The following NLN variants were observed in gnomAD, a reference collection of about 807,000 sequenced individuals.
NLN encodes neurolysin, mitochondrial.
NLN carries 64 observed loss-of-function variants against 79.9 expected under a neutral mutation model. The observed-to-expected ratio is 0.80, with a 90% CI of 0.65 to 0.99. The LOEUF is 0.99. Among genes scored for constraint, NLN ranks in the 50% least tolerant of loss-of-function variants. The pLI is 0.00. For synonymous variants in NLN, 267 were observed against 296.6 expected (o/e 0.90, Z 1.02); for missense variants, 835 against 858.7 (o/e 0.97, Z 0.34).
intron 3 of NLN, among the ~76,000 whole-genome samples, chr5:65,776,616 G>GA (rs1759684412): frequency 6.6e-6 from 1 of 152,144 alleles, no homozygotes; most frequent in East Asian, 1.9e-4. Flanking sequence ...TTCTTCTTAG[G>GA]AACCACTAAC....
chr5:65,802,364 G>A (rs770299325), intron 9 of NLN, among the ~76,000 whole-genome samples: 7 of 152,306 alleles, frequency 4.6e-5, no homozygotes, highest in South Asian at 2.1e-4. Flanking sequence ...GGCTGCAGCC[G>A]GACCAGGCGT....
At chr5:65,776,437 CA>C (rs1197966390) in intron 3 of NLN, among the ~76,000 whole-genome samples, 3 of 152,178 alleles carry the variant, frequency 2.0e-5, no homozygotes, top group Non-Finnish European at 4.4e-5. Flanking sequence ...AGTCCTTTTA[CA>C]GATTTAATTA....
At chr5:65,738,942 T>A (rs1758798876) in intron 1 of NLN, among the ~76,000 whole-genome samples, 2 of 88,162 alleles carry the variant, frequency 2.3e-5, no homozygotes, top group South Asian at 3.0e-4. Context: ...ATATATTTTT[T>A]ATATATGTTT....
intron 1 of NLN, among the ~76,000 whole-genome samples, chr5:65,740,500 A>G (rs1758844965): frequency 6.6e-6 from 1 of 152,190 alleles, no homozygotes; most frequent in South Asian, 2.1e-4. Flanking sequence ...AAAGGGAACA[A>G]GCATTCAAAC....
At chr5:65,757,844 G>C (rs931769085) in intron 1 of NLN, among the ~76,000 whole-genome samples, 4 of 152,106 alleles carry the variant, frequency 2.6e-5, no homozygotes, top group African/African-American at 9.7e-5. Flanking sequence ...AGTATAAGAA[G>C]AGAAGTTTTT....
chr5:65,791,114 T>C (rs1481321536), intron 8 of NLN, among the ~76,000 whole-genome samples: 1 of 152,186 alleles, frequency 6.6e-6, no homozygotes, highest in Non-Finnish European at 1.5e-5. Flanking sequence ...TTAAAAAGGG[T>C]ATTCAGAATA....
chr5:65,756,922 T>C (rs2150745163), intron 1 of NLN, among the ~76,000 whole-genome samples: 1 of 152,320 alleles, frequency 6.6e-6, no homozygotes, highest in South Asian at 2.1e-4. Context: ...ATTGTTCAAA[T>C]GTTGGTTTGC....
At position 65,824,095 on chromosome 5, in the gene NLN, T is replaced by C. The variant is rs967650208; in HGVS notation, c.*1180T>C. ...CAGATCAGTAAACTCACAGTATTTTTCCTGTGGAAATCTATTCAATAAGGA... is the reference window on the plus strand; with the variant it reads ...CAGATCAGTAAACTCACAGTATTTTCCCTGTGGAAATCTATTCAATAAGGA... On this transcript the variant is annotated 3_prime_UTR_variant, in exon 13 of 13. Transcript: ENST00000380985. 2 of 152,076 alleles carry C rather than the reference T, an allele frequency of 1.3e-5. No individual in the cohort carries two copies. Among genetic ancestry groups the C allele is most frequent in the Non-Finnish European group, 2.9e-5 (2 of 68,002 alleles). The allele number at this position is 152,076 out of a possible 1,614,324, so 9.4% of individuals were successfully genotyped here.
chr5:65,734,249 C>T lies in NLN; in HGVS notation c.41+11835C>T, dbSNP rs1758679147. On this transcript the variant is annotated intron_variant, in intron 1 of 12. Transcript: ENST00000380985. ...TCCTGACCTCAAGTGATCTGACTAC[C>T]TTGGCCTTCCACAGTGCTGGGTTTA... Among the ~76,000 whole-genome samples, 2 of 139,398 alleles carry T rather than the reference C, an allele frequency of 1.4e-5. 1 individual carries two copies. 91.5% of individuals were successfully genotyped at this position (139,398 alleles called of 152,430 possible).
rs180870665 is a variant in NLN at position 65,748,100 on chromosome 5, C to T, written c.42-10467C>T. ...CCTGTAATCCCAGCTACTTGGGAGG[C>T]TGAGGCAGGAGAATTGCTTGAATCT... On this transcript the variant is annotated intron_variant, in intron 1 of 12. Transcript: ENST00000380985. Among the ~76,000 whole-genome samples, 710 of 152,322 alleles carry T rather than the reference C, an allele frequency of 4.7e-3. 10 individuals are homozygous for T. Among genetic ancestry groups the T allele is most frequent in the African/African-American group, 0.016 (674 of 41,584 alleles).
At position 65,809,309 on chromosome 5, in the gene NLN, G is replaced by GT. The variant is rs1760489195; in HGVS notation, c.1528-205dup. 6.2e-6 allele frequency: 3 copies of GT among 480,064 alleles called. No individual in the cohort carries two copies. In the East Asian group the frequency reaches 9.8e-5, roughly 16 times the overall value. The allele number at this position is 480,064 out of a possible 1,614,324, so 29.7% of individuals were successfully genotyped here. A position where few individuals can be genotyped will look rare whatever the true frequency, so the allele number is the denominator to read the frequency against. Reference sequence around the variant, plus strand: ...AATTCAAAGGAATGAAATTACTACTGTAATATAGAGTATTTGGGGGTTGTT... The same window carrying GT: ...AATTCAAAGGAATGAAATTACTACTGTTAATATAGAGTATTTGGGGGTTGTT... On this transcript the variant is annotated intron_variant, in intron 9 of 12. Transcript: ENST00000380985.
intron 5 of NLN, 130 bp downstream of exon 5, chr5:65,780,411 G>A (rs777220426): frequency 2.3e-5 from 12 of 527,356 alleles, no homozygotes; most frequent in Non-Finnish European, 3.7e-5. Context: ...AAATGATCCA[G>A]TACCTAAGTC....
At chr5:65,805,565 A>G (rs947423675) in intron 9 of NLN, among the ~76,000 whole-genome samples, 2 of 152,258 alleles carry the variant, frequency 1.3e-5, no homozygotes, top group Admixed American at 6.5e-5. Context: ...CTCCCATTCT[A>G]TGAAGCTGAG....
chr5:65,768,224 T>C (rs1303496279), intron 3 of NLN, among the ~76,000 whole-genome samples: 1 of 152,150 alleles, frequency 6.6e-6, no homozygotes, highest in African/African-American at 2.4e-5. Context: ...AAAGAATACC[T>C]GAGACTAGGT....
intron 11 of NLN, 89 bp from the exon 12 acceptor site, chr5:65,812,166 T>C (rs1351852647): frequency 5.8e-6 from 6 of 1,040,204 alleles, no homozygotes; most frequent in Non-Finnish European, 9.0e-6. Context: ...CTCCCACAGC[T>C]GGCCTCCTCA....
At chr5:65,752,258 A>G (rs1759118478) in intron 1 of NLN, among the ~76,000 whole-genome samples, 1 of 152,004 alleles carries the variant, frequency 6.6e-6, no homozygotes, top group Non-Finnish European at 1.5e-5. Flanking sequence ...AAATTCACAA[A>G]GGTCATGTTT....
intron 1 of NLN, chr5:65,722,644 G>A: frequency 1.9e-6 from 1 of 523,390 alleles, no homozygotes. Context: ...TCTTTGTTTG[G>A]GACTGCCTCA....
chr5:65,773,127 A>ATTTT (rs757202934), intron 3 of NLN, among the ~76,000 whole-genome samples: 14 of 96,562 alleles, frequency 1.4e-4, no homozygotes, highest in African/African-American at 3.0e-4. Flanking sequence ...CCTGAATTCT[A>ATTTT]TTTTTTTTTT....
chr5:65,818,840 A>C (rs1390501015), intron 12 of NLN: 1 of 152,240 alleles, frequency 6.6e-6, no homozygotes, highest in Admixed American at 6.5e-5. Context: ...AGAGTCATCC[A>C]TGCTGGGAAG....
Sources: gnomAD v4.1 joint callset for allele counts (sites outside exome capture counted in the v4.1 genomes callset) on GRCh38, gnomAD v4.1.1 for gene constraint, MANE v1.5 for transcripts, NCBI Gene and HGNC (gene_info 2026-07-23, HGNC 2026-07-21) for gene names.